Variants in MLLT3 observed in about 807,000 individuals in gnomAD.
The protein encoded by MLLT3 is protein AF-9.
A neutral mutation model predicts 53.2 loss-of-function variants in MLLT3; 4 were observed. The observed-to-expected ratio is 0.08, with a 90% confidence interval of 0.04 to 0.17. The LOEUF (loss-of-function observed/expected upper bound fraction) is 0.17. Ranked by LOEUF, MLLT3 falls within the 10% of genes least tolerant of loss-of-function variation. The pLI is 1.00. For synonymous variants in MLLT3, 283 were observed against 230.6 expected (o/e 1.23, Z -2.06); for missense variants, 569 against 684.0 (o/e 0.83, Z 1.87).
At chr9:20,570,224 G>A (rs1489988810) in intron 2 of MLLT3, among the ~76,000 whole-genome samples, 2 of 152,096 alleles carry the variant, frequency 1.3e-5, no homozygotes, top group Non-Finnish European at 2.9e-5. Context: ...GACAAAAACT[G>A]CATGAGCAGC....
At chr9:20,408,536 C>T (rs1822644161) in intron 5 of MLLT3, among the ~76,000 whole-genome samples, 1 of 152,148 alleles carries the variant, frequency 6.6e-6, no homozygotes, top group Non-Finnish European at 1.5e-5. Flanking sequence ...GGTATTTTTA[C>T]CTCCAGTTAT....
chr9:20,382,894 G>A (rs1264300638), intron 5 of MLLT3, among the ~76,000 whole-genome samples: 2 of 142,108 alleles, frequency 1.4e-5, no homozygotes, highest in African/African-American at 6.2e-5. Flanking sequence ...TTTGTCTTAT[G>A]GGTATTTTTA....
At chr9:20,498,637 G>C (rs993116318) in intron 2 of MLLT3, among the ~76,000 whole-genome samples, 9 of 152,136 alleles carry the variant, frequency 5.9e-5, no homozygotes, top group Non-Finnish European at 1.0e-4. Context: ...TTTTGTGTGT[G>C]ATTTGTATTT....
Position 20,621,110 on chromosome 9 carries a change from C to G in MLLT3, c.13-276G>C. ...TGTTATCCCCAGTCGGGAAGGGGGT[C>G]GGGGAAAAGAGGGAGAACACACTCA... On this transcript the variant is annotated intron_variant, in intron 1 of 10. Coordinates refer to ENST00000380338, the MANE Select transcript of MLLT3 (RefSeq NM_004529.4). This position sits in a 1 kb window ranked among gnomAD's most constrained non-coding sequence, Gnocchi z 7.0. 1 of 579,250 alleles carries G rather than the reference C, an allele frequency of 1.7e-6. No homozygotes were observed. The highest frequency in any genetic ancestry group is 3.1e-5 in the East Asian group (1 of 32,538). 35.9% of individuals were successfully genotyped at this position (579,250 alleles called of 1,614,324 possible).
intron 2 of MLLT3, among the ~76,000 whole-genome samples, chr9:20,570,247 T>C (rs1419252389): frequency 2.0e-5 from 3 of 152,210 alleles, no homozygotes; most frequent in Non-Finnish European, 4.4e-5. Flanking sequence ...GAGATTGTTT[T>C]ATTTATACAG....
At chr9:20,595,364 C>T (rs1308204633) in intron 2 of MLLT3, among the ~76,000 whole-genome samples, 1 of 151,708 alleles carries the variant, frequency 6.6e-6, no homozygotes, top group African/African-American at 2.4e-5. Flanking sequence ...GAGCAAGACC[C>T]TATCTCAAAA....
At chr9:20,433,044 C>T (rs1823316209) in intron 4 of MLLT3, among the ~76,000 whole-genome samples, 1 of 151,928 alleles carries the variant, frequency 6.6e-6, no homozygotes, top group South Asian at 2.1e-4. Context: ...TGAAATTATG[C>T]CTTTTTGCCC....
intron 2 of MLLT3, among the ~76,000 whole-genome samples, chr9:20,591,970 G>T (rs1807627131): frequency 6.6e-6 from 1 of 152,010 alleles, no homozygotes; most frequent in African/African-American, 2.4e-5. Context: ...GTCCAGCCTA[G>T]GCAACACATT....
intron 2 of MLLT3, among the ~76,000 whole-genome samples, chr9:20,592,999 G>A (rs551105871): frequency 6.6e-6 from 1 of 152,324 alleles, no homozygotes; most frequent in African/African-American, 2.4e-5. Context: ...TCCAACACTT[G>A]CTACCAAAGC....
At chr9:20,369,229 G>C (rs1370902969) in intron 5 of MLLT3, among the ~76,000 whole-genome samples, 1 of 152,152 alleles carries the variant, frequency 6.6e-6, no homozygotes, top group Non-Finnish European at 1.5e-5. Flanking sequence ...GCCTATATAT[G>C]AGGAGATTCT....
chr9:20,588,775 A>G (rs1238748972), intron 2 of MLLT3, among the ~76,000 whole-genome samples: 1 of 152,226 alleles, frequency 6.6e-6, no homozygotes, highest in African/African-American at 2.4e-5. Flanking sequence ...ATATACAATC[A>G]TGTCATCTGC....
rs1820756922 is a variant in MLLT3, at chr9:20,342,426, T to C, written c.*4017A>G. 1 of 222,358 alleles carries C rather than the reference T, an allele frequency of 4.5e-6. No individual in the cohort carries two copies. The allele number at this position is 222,358 out of a possible 1,614,324, so 13.8% of individuals were successfully genotyped here. On this transcript the variant is annotated 3_prime_UTR_variant, in exon 11 of 11. Coordinates refer to ENST00000380338, the MANE Select transcript of MLLT3 (RefSeq NM_004529.4). ...TATAAAATGTATTGGCCTTGCACTG[T>C]TAATCTCAATAATACATTTTCACTT...
intron 2 of MLLT3, among the ~76,000 whole-genome samples, chr9:20,523,857 G>A (rs531158331): frequency 1.3e-4 from 20 of 152,094 alleles, no homozygotes; most frequent in African/African-American, 4.1e-4. Flanking sequence ...TATAGTCCCA[G>A]CTACTTAGAA....
intron 2 of MLLT3, among the ~76,000 whole-genome samples, chr9:20,493,388 C>T (rs991483101): frequency 2.6e-5 from 4 of 151,926 alleles, no homozygotes; most frequent in Admixed American, 2.0e-4. Context: ...GCTTTTAACA[C>T]CCTGAAATAA....
At chr9:20,369,942 T>G (rs1239059861) in intron 5 of MLLT3, among the ~76,000 whole-genome samples, 2 of 152,176 alleles carry the variant, frequency 1.3e-5, no homozygotes, top group Non-Finnish European at 2.9e-5. Flanking sequence ...AACCAAAAAT[T>G]CAGAGAAGTC....
intron 2 of MLLT3, among the ~76,000 whole-genome samples, chr9:20,539,713 C>T (rs1382724460): frequency 6.6e-6 from 1 of 152,140 alleles, no homozygotes; most frequent in Non-Finnish European, 1.5e-5. Flanking sequence ...ATAGCCAAAC[C>T]ATATCATTCT....
At chr9:20,380,006 T>C (rs1821867853) in intron 5 of MLLT3, among the ~76,000 whole-genome samples, 1 of 152,100 alleles carries the variant, frequency 6.6e-6, no homozygotes, top group African/African-American at 2.4e-5. Flanking sequence ...CATGAATATG[T>C]AGTATTGCCC....
At chr9:20,439,769 G>GA (rs1328152124) in intron 4 of MLLT3, among the ~76,000 whole-genome samples, 2 of 152,098 alleles carry the variant, frequency 1.3e-5, no homozygotes, top group African/African-American at 4.8e-5. Flanking sequence ...TTTTCAGTGG[G>GA]ATCTCATCTA....
rs116641668 is a variant in MLLT3, at chr9:20,511,962, T to C, written c.194-55176A>G. Reference sequence around the variant, plus strand: ...GCATTACCAGTACAGAGTTCTAAAATAGAAGAAGCCCATCCCTGAGTAGGA... The same window carrying C: ...GCATTACCAGTACAGAGTTCTAAAACAGAAGAAGCCCATCCCTGAGTAGGA... On this transcript the variant is annotated intron_variant, in intron 2 of 10. Transcript: ENST00000380338. Among the ~76,000 whole-genome samples the C allele has an allele frequency of 5.1e-3, 768 of 152,054 alleles. 6 individuals carry two copies. The highest frequency in any genetic ancestry group is 0.016 in the African/African-American group (677 of 41,476).
Sources: gnomAD v4.1 joint callset for allele counts (sites outside exome capture counted in the v4.1 genomes callset) on GRCh38, gnomAD v4.1.1 for gene constraint, Gnocchi (gnomAD v3.1) non-coding constraint, MANE v1.5 for transcripts, NCBI Gene and HGNC (gene_info 2026-07-23, HGNC 2026-07-21) for gene names.